Variants in ATRNL1 observed in about 807,000 individuals in gnomAD.
The protein encoded by ATRNL1 is attractin like 1.
Under a neutral mutation model 182.7 loss-of-function variants are expected in ATRNL1, and 95 were observed. The observed-to-expected ratio is 0.52, with a 90% CI of 0.44 to 0.62. The LOEUF (loss-of-function observed/expected upper bound fraction) is 0.62, where lower values mean the gene tolerates loss of function less well. ATRNL1 is among the 20% of genes least tolerant of loss of function. The pLI, the probability that ATRNL1 is intolerant of heterozygous loss-of-function variation, is 0.00. For synonymous variants in ATRNL1, 576 were observed against 568.3 expected, an observed-to-expected ratio of 1.01 and a Z score of -0.19; for missense variants, 1,471 against 1,679.5, an observed-to-expected ratio of 0.88 and a Z score of 2.17.
At chr10:115,779,690 A>G (rs1555078816) in intron 27 of ATRNL1, among the ~76,000 whole-genome samples, 2 of 152,252 alleles carry the variant, frequency 1.3e-5, no homozygotes. Context: ...CTAAATAACT[A>G]TAAATATCAG....
At chr10:115,800,436 GAAAC>G (rs1555084077) in intron 27 of ATRNL1, among the ~76,000 whole-genome samples, 1 of 152,140 alleles carries the variant, frequency 6.6e-6, no homozygotes, top group Non-Finnish European at 1.5e-5. Context: ...AGTAGGGAAA[GAAAC>G]AGAAAGAGAA....
chr10:115,757,305 T>G (rs555697218), intron 27 of ATRNL1, among the ~76,000 whole-genome samples: 37 of 152,282 alleles, frequency 2.4e-4, no homozygotes, highest in African/African-American at 8.4e-4. Flanking sequence ...ACCAGTTGTT[T>G]CTTTCCATGT....
chr10:115,915,355 G>A (rs1439289499), intron 28 of ATRNL1, among the ~76,000 whole-genome samples: 6 of 151,526 alleles, frequency 4.0e-5, no homozygotes, highest in Non-Finnish European at 7.4e-5. Context: ...CGGAGATCGC[G>A]CCACTGCACT....
At chr10:115,252,200 G>A (rs542681991) in intron 10 of ATRNL1, among the ~76,000 whole-genome samples, 20 of 152,188 alleles carry the variant, frequency 1.3e-4, no homozygotes, top group Admixed American at 5.2e-4. Flanking sequence ...CTAATTTTTT[G>A]TACTTTTAGT....
chr10:115,618,015 G>A (rs770707726), intron 26 of ATRNL1, among the ~76,000 whole-genome samples: 92 of 152,092 alleles, frequency 6.0e-4, no homozygotes, highest in Non-Finnish European at 6.3e-4. Flanking sequence ...AAAGTGTGTA[G>A]CACCTCCCCC....
chr10:115,536,727 C>G (rs566100198), intron 25 of ATRNL1, among the ~76,000 whole-genome samples: 1 of 152,090 alleles, frequency 6.6e-6, no homozygotes, highest in African/African-American at 2.4e-5. Flanking sequence ...AGCTGCAGAC[C>G]GGAGCTGTTC....
intron 6 of ATRNL1, among the ~76,000 whole-genome samples, chr10:115,163,252 C>T (rs1554883685): frequency 6.6e-6 from 1 of 151,526 alleles, no homozygotes; most frequent in African/African-American, 2.4e-5. Flanking sequence ...GGCTCAGGGC[C>T]TGGAAACTAA....
At chr10:115,835,371 C>G (rs1159022113) in intron 27 of ATRNL1, among the ~76,000 whole-genome samples, 1 of 152,138 alleles carries the variant, frequency 6.6e-6, no homozygotes, top group African/African-American at 2.4e-5. Flanking sequence ...TTACTCAGTT[C>G]TTTAAACTAT....
intron 26 of ATRNL1, among the ~76,000 whole-genome samples, chr10:115,632,387 A>C (rs928929941): frequency 2.6e-5 from 4 of 152,204 alleles, no homozygotes; most frequent in African/African-American, 9.6e-5. Flanking sequence ...GATTATTTTT[A>C]TATGATCTTC....
At chr10:115,731,900 A>G (rs1310978409) in intron 27 of ATRNL1, among the ~76,000 whole-genome samples, 1 of 150,130 alleles carries the variant, frequency 6.7e-6, no homozygotes, top group African/African-American at 2.5e-5. Context: ...CATTTCATAC[A>G]AATAAAACTA....
intron 20 of ATRNL1, among the ~76,000 whole-genome samples, chr10:115,403,246 A>G (rs1336780421): frequency 7.8e-6 from 1 of 127,498 alleles, no homozygotes; most frequent in Non-Finnish European, 1.5e-5. Flanking sequence ...ATTTTTCCTA[A>G]TTACTCTCAT....
At chr10:115,722,035 A>G (rs1693067081) in intron 26 of ATRNL1, among the ~76,000 whole-genome samples, 1 of 152,192 alleles carries the variant, frequency 6.6e-6, no homozygotes, top group African/African-American at 2.4e-5. Flanking sequence ...TCGCATTATT[A>G]AAGGCCTTCT....
intron 26 of ATRNL1, among the ~76,000 whole-genome samples, chr10:115,568,332 A>G (rs145204441): frequency 6.6e-6 from 1 of 152,210 alleles, no homozygotes; most frequent in Admixed American, 6.5e-5. Context: ...ATTTAAAGTT[A>G]ATTTAATTAT....
At chr10:115,146,558 T>C (rs572373045) in intron 5 of ATRNL1, among the ~76,000 whole-genome samples, 1 of 152,154 alleles carries the variant, frequency 6.6e-6, no homozygotes, top group South Asian at 2.1e-4. Flanking sequence ...CATTGAATAT[T>C]ATAATTTGTA....
intron 26 of ATRNL1, among the ~76,000 whole-genome samples, chr10:115,677,468 G>T (rs1312866900): frequency 6.6e-6 from 1 of 152,034 alleles, no homozygotes; most frequent in Non-Finnish European, 1.5e-5. Context: ...TGTTGTGGGA[G>T]GGACCCAGGG....
At chr10:115,826,739 G>A (rs1449232022) in intron 27 of ATRNL1, among the ~76,000 whole-genome samples, 1 of 152,126 alleles carries the variant, frequency 6.6e-6, no homozygotes, top group African/African-American at 2.4e-5. Flanking sequence ...TGAGTCCGGG[G>A]TTTTTTATGC....
At chr10:115,643,722 T>C (rs1406608798) in intron 26 of ATRNL1, among the ~76,000 whole-genome samples, 1 of 151,952 alleles carries the variant, frequency 6.6e-6, no homozygotes, top group Non-Finnish European at 1.5e-5. Flanking sequence ...CAAATACAAA[T>C]TAAGAATGCA....
At chr10:115,538,145 A>C (rs1852147706) in intron 25 of ATRNL1, among the ~76,000 whole-genome samples, 1 of 152,232 alleles carries the variant, frequency 6.6e-6, no homozygotes, top group Admixed American at 6.5e-5. Flanking sequence ...CTTATAAATA[A>C]TGCTGCTGTG....
intron 27 of ATRNL1, among the ~76,000 whole-genome samples, chr10:115,797,238 A>C (rs555476837): frequency 1.3e-5 from 2 of 152,242 alleles, no homozygotes; most frequent in African/African-American, 4.8e-5. Context: ...GGCCCAGTAC[A>C]AAATGAAAAT....
Sources: gnomAD v4.1 joint callset for allele counts (sites outside exome capture counted in the v4.1 genomes callset) on GRCh38, gnomAD v4.1.1 for gene constraint, MANE v1.5 for transcripts, NCBI Gene and HGNC (gene_info 2026-07-23, HGNC 2026-07-21) for gene names.